The following BCAS3 variants were observed in gnomAD, a reference collection of about 807,000 sequenced individuals.
BCAS3 encodes the protein BCAS4/BCAS3 fusion.
BCAS3 carries 53 observed loss-of-function variants against 116.1 expected under a neutral mutation model. That is an observed-to-expected ratio of 0.46 (90% CI 0.37 to 0.57). BCAS3 has a LOEUF of 0.57. Ranked by LOEUF, BCAS3 falls within the 20% of genes least tolerant of loss-of-function variation. BCAS3 has a pLI of 0.00. For synonymous variants in BCAS3, 391 were observed against 408.2 expected (o/e 0.96, Z 0.51); for missense variants, 917 against 1,165.4 (o/e 0.79, Z 3.10).
Position 61,130,411 on chromosome 17 carries a change from C to A in BCAS3, c.2425+45847C>A, listed in dbSNP as rs1483874431. Among the ~76,000 whole-genome samples the A allele has an allele frequency of 1.3e-5, 2 of 152,108 alleles. No homozygotes were observed. The highest frequency in any genetic ancestry group is 6.5e-5 in the Admixed American group (1 of 15,270). On this transcript the variant is annotated intron_variant, in intron 22 of 23. Transcript: ENST00000407086. The surrounding 1 kb of genome is among the most constrained non-coding windows in gnomAD (Gnocchi z 5.0). ...CCCAAGACCCCAATCATTAGAATAA[C>A]CACAAAACCGATTCTTAATTACCTC...
intron 6 of BCAS3, among the ~76,000 whole-genome samples, chr17:60,761,461 G>T (rs2043523401): frequency 6.6e-6 from 1 of 151,772 alleles, no homozygotes; most frequent in Admixed American, 6.6e-5. Context: ...GCAGTGTTTG[G>T]TTTTCTGTCC....
intron 22 of BCAS3, among the ~76,000 whole-genome samples, chr17:61,317,970 C>T (rs544836566): frequency 6.3e-3 from 323 of 51,300 alleles, no homozygotes; most frequent in Non-Finnish European, 0.011. Context: ...GAATGCCATA[C>T]GCAAGCTGTT....
chr17:61,092,862 T>A (rs1011502917), intron 22 of BCAS3, among the ~76,000 whole-genome samples: 2 of 151,860 alleles, frequency 1.3e-5, no homozygotes, highest in Non-Finnish European at 2.9e-5. Flanking sequence ...TTTTTTCCTT[T>A]TATGTTTTCA....
chr17:61,062,173 T>G (rs866750206), intron 19 of BCAS3, among the ~76,000 whole-genome samples: 9 of 152,288 alleles, frequency 5.9e-5, no homozygotes, highest in African/African-American at 2.2e-4. Context: ...TAAATATGAA[T>G]TTTTATATCA....
chr17:60,850,378 A>G (rs1446294862), intron 7 of BCAS3, among the ~76,000 whole-genome samples: 6 of 34,178 alleles, frequency 1.8e-4, no homozygotes, highest in Admixed American at 1.1e-3. Context: ...TTTTTTTGAG[A>G]TGGAGTTTTT....
chr17:60,791,370 A>G lies in BCAS3; in HGVS notation c.404-16634A>G, dbSNP rs564254480. ...ATTGTTAATGTTACAAATGCTTTCT[A>G]CTGACCAGGTGTGGTGACTCACGTC... On this transcript the variant is annotated intron_variant, in intron 6 of 23. Coordinates refer to ENST00000407086, the MANE Select transcript of BCAS3 (RefSeq NM_017679.5). 3.3e-5 allele frequency among the ~76,000 whole-genome samples: 5 copies of G among 152,304 alleles called. No homozygotes were observed. The East Asian group carries it at 7.7e-4, about 24-fold the overall frequency.
chr17:60,887,640 T>G (rs1005855299), intron 9 of BCAS3, among the ~76,000 whole-genome samples: 1 of 152,208 alleles, frequency 6.6e-6, no homozygotes, highest in African/African-American at 2.4e-5. Context: ...TTGGTATTCT[T>G]GTTGAAAATC....
chr17:61,250,861 C>CT (rs1888548271), intron 22 of BCAS3, among the ~76,000 whole-genome samples: 2 of 152,192 alleles, frequency 1.3e-5, no homozygotes, highest in South Asian at 4.1e-4. Flanking sequence ...CCCAAGGACT[C>CT]TATCAGTCTG....
intron 7 of BCAS3, chr17:60,810,713 A>C (rs542395822): frequency 1.8e-5 from 12 of 664,384 alleles, no homozygotes; most frequent in South Asian, 1.6e-4. Context: ...AGGGACATCC[A>C]TGGGCTCTGC....
Position 61,355,037 on chromosome 17 carries a change from T to C in BCAS3, c.2426-13290T>C, listed in dbSNP as rs2058069548. The C allele has an allele frequency of 7.2e-6, 1 of 138,826 alleles. No individual in the cohort carries two copies. The highest frequency in any genetic ancestry group is 1.6e-5 in the Non-Finnish European group (1 of 63,642). 8.6% of individuals were successfully genotyped at this position (138,826 alleles called of 1,614,324 possible). ...ACCCATCCCTCCCTGCTCTTTGAAA[T>C]TCCCAAGGCCAGCAGGGGGCCCAGG... On this transcript the variant is annotated intron_variant, in intron 22 of 23. Transcript: ENST00000407086. This position sits in a 1 kb window ranked among gnomAD's most constrained non-coding sequence, Gnocchi z 4.2.
At chr17:60,941,559 T>C (rs1201821799) in intron 13 of BCAS3, among the ~76,000 whole-genome samples, 1 of 152,186 alleles carries the variant, frequency 6.6e-6, no homozygotes, top group African/African-American at 2.4e-5. Context: ...TTTTTTATAT[T>C]ATTTTTAAAA....
intron 22 of BCAS3, among the ~76,000 whole-genome samples, chr17:61,108,865 T>A (rs1055934994): frequency 1.3e-5 from 2 of 152,050 alleles, no homozygotes; most frequent in African/African-American, 4.8e-5. Flanking sequence ...TGATGTTTGG[T>A]TTTCCATTCC....
intron 7 of BCAS3, among the ~76,000 whole-genome samples, chr17:60,852,622 T>C (rs2053277417): frequency 6.6e-6 from 1 of 151,982 alleles, no homozygotes; most frequent in African/African-American, 2.4e-5. Flanking sequence ...CCTCAACCAA[T>C]AAAATCTCAA....
chr17:61,371,175 T>C (rs903716268), intron 23 of BCAS3, among the ~76,000 whole-genome samples: 1 of 152,200 alleles, frequency 6.6e-6, no homozygotes, highest in African/African-American at 2.4e-5. Flanking sequence ...TCATGATCCC[T>C]GACACAGAAG....
intron 22 of BCAS3, among the ~76,000 whole-genome samples, chr17:61,260,088 T>C (rs1052470418): frequency 3.4e-4 from 52 of 152,208 alleles, no homozygotes; most frequent in African/African-American, 9.6e-4. Context: ...TTGCCGAAGG[T>C]TTAAACAGCT....
Position 61,034,621 on chromosome 17 carries a change from A to G in BCAS3, c.1638-45A>G, listed in dbSNP as rs1271930942. On this transcript the variant is annotated intron_variant, in intron 16 of 23. Coordinates refer to ENST00000407086, the MANE Select transcript of BCAS3 (RefSeq NM_017679.5). This position sits in a 1 kb window ranked among gnomAD's most constrained non-coding sequence, Gnocchi z 5.0. ...AACTGTCATTACCTAAAGGAGTATC[A>G]TTTCATCATGATAATTGTTTTTTAC... 1 of 1,533,884 alleles carries G rather than the reference A, an allele frequency of 6.5e-7. No individual in the cohort carries two copies. Among genetic ancestry groups the G allele is most frequent in the Non-Finnish European group, 8.9e-7 (1 of 1,119,074 alleles).
intron 6 of BCAS3, among the ~76,000 whole-genome samples, chr17:60,803,774 C>T (rs74827794): frequency 8.0e-5 from 12 of 149,802 alleles, no homozygotes; most frequent in African/African-American, 2.7e-4. Flanking sequence ...TTTCATTTTC[C>T]CTCTCATAAG....
chr17:60,722,548 G>T (rs149052568), intron 5 of BCAS3, among the ~76,000 whole-genome samples: 1 of 151,550 alleles, frequency 6.6e-6, no homozygotes, highest in Non-Finnish European at 1.5e-5. Context: ...AGATCACGAC[G>T]TCAAGAGATC....
chr17:60,931,624 A>G (rs972433630), intron 13 of BCAS3, among the ~76,000 whole-genome samples: 6 of 152,080 alleles, frequency 3.9e-5, no homozygotes, highest in African/African-American at 1.2e-4. Flanking sequence ...CCTATCTTAA[A>G]TATCATTTAA....
Sources: gnomAD v4.1 joint callset for allele counts (sites outside exome capture counted in the v4.1 genomes callset) on GRCh38, gnomAD v4.1.1 for gene constraint, Gnocchi (gnomAD v3.1) non-coding constraint, MANE v1.5 for transcripts, NCBI Gene and HGNC (gene_info 2026-07-23, HGNC 2026-07-21) for gene names.